Variants in FCHO2 observed in about 807,000 individuals in gnomAD.
FCHO2 encodes the protein FCH and mu domain containing endocytic adaptor 2.
FCHO2 carries 43 observed loss-of-function variants against 114.1 expected under a neutral mutation model. The observed-to-expected ratio is 0.38, with a 90% confidence interval of 0.30 to 0.49. The LOEUF (loss-of-function observed/expected upper bound fraction) is 0.49, where lower values mean the gene tolerates loss of function less well. Among genes scored for constraint, FCHO2 ranks in the 20% least tolerant of loss-of-function variants. The pLI is 0.97. For missense variants in FCHO2, 807 were observed against 950.4 expected, an observed-to-expected ratio of 0.85 and a Z score of 1.98; for synonymous variants, 293 against 315.2, an observed-to-expected ratio of 0.93 and a Z score of 0.75.
At chr5:73,006,310 A>G in intron 5 of FCHO2, 135 bp from the exon 6 acceptor site, 1 of 472,826 alleles carries the variant, frequency 2.1e-6, no homozygotes, top group Non-Finnish European at 3.5e-6. Context: ...AGGGCCTCAC[A>G]ACAAGTATCA....
At position 73,089,267 on chromosome 5, in the gene FCHO2, T is replaced by C. The variant is rs1185764866; in HGVS notation, c.*1177T>C. 1 of 152,586 alleles carries C rather than the reference T, an allele frequency of 6.6e-6. No individual in the cohort carries two copies. Among genetic ancestry groups the C allele is most frequent in the Non-Finnish European group, 1.5e-5 (1 of 67,988 alleles). 9.5% of individuals were successfully genotyped at this position (152,586 alleles called of 1,614,324 possible). ...TAGCATTTTCCTTGATACTTTATCA[T>C]TGAAAATTTATGCATTTATTTACTG... is the stretch of plus-strand genomic sequence containing the variant. On this transcript the variant is annotated 3_prime_UTR_variant, in exon 26 of 26. Transcript: ENST00000430046.
In FCHO2 at chr5:72,985,258, T is replaced by G. The variant is rs145740047; in HGVS notation, c.126-4169T>G. 2.5e-3 allele frequency among the ~76,000 whole-genome samples: 386 copies of G among 152,170 alleles called. 1 individual carries two copies. Among genetic ancestry groups the G allele is most frequent in the African/African-American group, 8.8e-3 (367 of 41,520 alleles). On this transcript the variant is annotated intron_variant, in intron 2 of 25. Coordinates refer to ENST00000430046, the MANE Select transcript of FCHO2 (RefSeq NM_138782.3). ...TCACTGCAACCTCCACCTCCCAGGT[T>G]CAAGTGATTCTCCTTCCTCTGCCTC...
At chr5:72,972,715 C>G (rs956091854) in intron 2 of FCHO2, among the ~76,000 whole-genome samples, 1 of 152,098 alleles carries the variant, frequency 6.6e-6, no homozygotes, top group African/African-American at 2.4e-5. Flanking sequence ...CCTAATTGCC[C>G]TGGCTAGAAC....
intron 2 of FCHO2, among the ~76,000 whole-genome samples, chr5:72,989,066 T>C (rs1196595503): frequency 6.6e-6 from 1 of 151,996 alleles, no homozygotes; most frequent in Non-Finnish European, 1.5e-5. Context: ...AAAACTTAGC[T>C]GGGTGTTGTG....
intron 8 of FCHO2, among the ~76,000 whole-genome samples, chr5:73,030,778 A>T (rs1756194899): frequency 6.6e-6 from 1 of 152,186 alleles, no homozygotes; most frequent in Non-Finnish European, 1.5e-5. Flanking sequence ...ATTCTCATAC[A>T]TAATATAGTT....
intron 11 of FCHO2, among the ~76,000 whole-genome samples, chr5:73,046,659 CAA>C (rs1371974688): frequency 6.6e-6 from 1 of 152,102 alleles, no homozygotes; most frequent in African/African-American, 2.4e-5. Context: ...TCACAATTAG[CAA>C]AGTTTCCTTA....
chr5:73,036,261 A>G (rs1466203677), intron 9 of FCHO2, among the ~76,000 whole-genome samples: 1 of 152,212 alleles, frequency 6.6e-6, no homozygotes, highest in Non-Finnish European at 1.5e-5. Context: ...CTCCTCGGTT[A>G]TGGTAGAATC....
intron 11 of FCHO2, among the ~76,000 whole-genome samples, chr5:73,044,320 C>T (rs1032992295): frequency 6.6e-6 from 1 of 152,192 alleles, no homozygotes; most frequent in Non-Finnish European, 1.5e-5. Flanking sequence ...CTCACTTCAG[C>T]CTCGACCTCC....
chr5:72,995,859 T>G (rs574313441), intron 5 of FCHO2, among the ~76,000 whole-genome samples: 1 of 152,188 alleles, frequency 6.6e-6, no homozygotes, highest in Non-Finnish European at 1.5e-5. Context: ...AGGTCCCACC[T>G]CTCAATACCG....
intron 8 of FCHO2, among the ~76,000 whole-genome samples, chr5:73,017,544 G>A (rs1755370639): frequency 6.6e-6 from 1 of 151,986 alleles, no homozygotes; most frequent in Non-Finnish European, 1.5e-5. Context: ...TAAGATTTTT[G>A]TTTTGGCTTT....
chr5:73,082,248 C>T (rs1341101762), intron 23 of FCHO2, among the ~76,000 whole-genome samples: 1 of 141,432 alleles, frequency 7.1e-6, no homozygotes, highest in Non-Finnish European at 1.5e-5. Flanking sequence ...AGTGCTTGAC[C>T]TCTCTAAACT....
intron 5 of FCHO2, among the ~76,000 whole-genome samples, chr5:72,999,634 C>T (rs1239692951): frequency 6.6e-6 from 1 of 152,120 alleles, no homozygotes; most frequent in Non-Finnish European, 1.5e-5. Context: ...ATGCCCGTCT[C>T]AGCCTTCCAA....
intron 18 of FCHO2, among the ~76,000 whole-genome samples, chr5:73,066,788 C>T (rs1348134770): frequency 4.0e-5 from 6 of 151,832 alleles, no homozygotes; most frequent in African/African-American, 1.4e-4. Context: ...TCTCTGGCTT[C>T]ACCCCAGGCA....
At chr5:72,982,617 A>G (rs1244482073) in intron 2 of FCHO2, among the ~76,000 whole-genome samples, 1 of 152,168 alleles carries the variant, frequency 6.6e-6, no homozygotes, top group East Asian at 1.9e-4. Flanking sequence ...AAAAGTCATC[A>G]CCATAGCCAA....
intron 8 of FCHO2, 94 bp from the exon 9 acceptor site, chr5:73,034,563 A>G: frequency 1.1e-6 from 1 of 902,634 alleles, no homozygotes; most frequent in South Asian, 1.7e-5. Flanking sequence ...GTCAATTAAA[A>G]GTAGAATAAA....
chr5:72,994,303 C>G (rs991799443), intron 5 of FCHO2, among the ~76,000 whole-genome samples: 1 of 151,992 alleles, frequency 6.6e-6, no homozygotes, highest in Non-Finnish European at 1.5e-5. Context: ...AAAAACAACC[C>G]TATTAAAAAG....
intron 10 of FCHO2, 40 bp downstream of exon 10, chr5:73,037,255 A>G (rs185691118): frequency 1.8e-4 from 264 of 1,440,946 alleles, no homozygotes; most frequent in Non-Finnish European, 2.3e-4. Context: ...TTTTGTTTTT[A>G]TAAGTGATTA....
chr5:73,003,677 A>G (rs1754564557), intron 5 of FCHO2, among the ~76,000 whole-genome samples: 1 of 152,172 alleles, frequency 6.6e-6, no homozygotes, highest in African/African-American at 2.4e-5. Context: ...AGGTATCAGG[A>G]TGAGGTATTA....
chr5:73,054,748 C>T (rs1299790867), intron 15 of FCHO2, among the ~76,000 whole-genome samples, 199 bp downstream of exon 15: 1 of 152,114 alleles, frequency 6.6e-6, no homozygotes, highest in Non-Finnish European at 1.5e-5. Context: ...ATGCTTTAAA[C>T]TTCAATACAT....
Sources: allele counts gnomAD v4.1 joint callset (sites outside exome capture counted in the v4.1 genomes callset), GRCh38; gene constraint gnomAD v4.1.1; transcripts MANE v1.5; gene names NCBI Gene and HGNC (gene_info 2026-07-23, HGNC 2026-07-21).